The following CPAP variants were observed in gnomAD, a reference collection of about 807,000 sequenced individuals.
The protein encoded by CPAP is centrosomal P4.1-associated protein.
the CPAP span, chr13:24,906,363 T>C: frequency 6.2e-7 from 1 of 1,612,530 alleles, no homozygotes; most frequent in South Asian, 1.1e-5. Context: ...TCTAACTTTT[T>C]CTGAAGAGAA....
chr13:24,887,202 T>G, the CPAP span, among the ~76,000 whole-genome samples: 1 of 152,106 alleles, frequency 6.6e-6, no homozygotes, highest in Non-Finnish European at 1.5e-5. Flanking sequence ...CAAAAGATAC[T>G]ATAAAGAGCA....
At chr13:24,883,139 A>AAGTC in the CPAP span, 6 of 1,535,494 alleles carry the variant, frequency 3.9e-6, no homozygotes, top group African/African-American at 6.8e-5. Flanking sequence ...TTAACATAAA[A>AAGTC]AGTCAGTTAC....
the CPAP span, among the ~76,000 whole-genome samples, chr13:24,932,129 C>T: frequency 6.6e-6 from 1 of 152,192 alleles, no homozygotes; most frequent in Non-Finnish European, 1.5e-5. Context: ...TAACACTGAA[C>T]CCGGACCCGC....
chr13:24,932,866 C>T, the CPAP span: 2 of 605,084 alleles, frequency 3.3e-6, no homozygotes, highest in Non-Finnish European at 2.9e-6. Flanking sequence ...TCAATTTTTA[C>T]AATGTGTTCA....
the CPAP span, chr13:24,906,439 G>C: frequency 3.1e-6 from 5 of 1,613,996 alleles, no homozygotes; most frequent in Admixed American, 8.3e-5. Context: ...CCAGCCGGCT[G>C]GCCGGCCCTG....
chr13:24,915,756 G>C, the CPAP span, among the ~76,000 whole-genome samples: 2 of 152,076 alleles, frequency 1.3e-5, no homozygotes, highest in African/African-American at 4.8e-5. Context: ...CCGAGATAGC[G>C]TTATTGCACT....
chr13:24,884,379 T>A, the CPAP span: 2 of 1,614,162 alleles, frequency 1.2e-6, no homozygotes, highest in Non-Finnish European at 8.5e-7. Context: ...GTGACAGTGA[T>A]GGTCTTCCCA....
the CPAP span, among the ~76,000 whole-genome samples, chr13:24,888,762 A>G: frequency 6.6e-6 from 1 of 152,206 alleles, no homozygotes; most frequent in East Asian, 1.9e-4. Context: ...GGAAGTATAC[A>G]ATGCAATCTA....
chr13:24,899,726 C>T, the CPAP span: 2 of 703,644 alleles, frequency 2.8e-6, no homozygotes, highest in Admixed American at 4.3e-5. Flanking sequence ...AATCCACTCA[C>T]TAAAGCATTC....
At chr13:24,895,897 G>C in the CPAP span, among the ~76,000 whole-genome samples, 1 of 152,104 alleles carries the variant, frequency 6.6e-6, no homozygotes, top group Admixed American at 6.6e-5. Context: ...AGTACATAAG[G>C]GGTTCTCAAT....
the CPAP span, among the ~76,000 whole-genome samples, chr13:24,928,518 C>T: frequency 2.6e-5 from 4 of 152,230 alleles, no homozygotes; most frequent in Admixed American, 6.5e-5. Flanking sequence ...GCAGCCTCCA[C>T]CTCCCGAGTT....
At chr13:24,883,009 A>G in the CPAP span, 1 of 635,456 alleles carries the variant, frequency 1.6e-6, no homozygotes, top group South Asian at 1.9e-5. Flanking sequence ...GAGAGCTATC[A>G]TTGCATTTCA....
the CPAP span, among the ~76,000 whole-genome samples, chr13:24,913,653 C>T: frequency 0.011 from 1,652 of 152,322 alleles, 33 homozygotes; most frequent in African/African-American, 0.039. Flanking sequence ...ACTCTTCTAG[C>T]ACTCATCTCA....
At chr13:24,933,175 C>G in the CPAP span, 1 of 1,433,590 alleles carries the variant, frequency 7.0e-7, no homozygotes, top group Non-Finnish European at 9.8e-7. Flanking sequence ...GATAAAACAT[C>G]GCGCATTCAG....
chr13:24,907,806 A>G, the CPAP span, among the ~76,000 whole-genome samples: 1 of 152,354 alleles, frequency 6.6e-6, no homozygotes, highest in African/African-American at 2.4e-5. Context: ...TAAGTGAAAA[A>G]GCTTCGAGAA....
the CPAP span, chr13:24,912,878 T>C: frequency 2.5e-6 from 4 of 1,614,094 alleles, no homozygotes; most frequent in Non-Finnish European, 3.4e-6. Context: ...CTGGTAGAAA[T>C]GTCCACAGCT....
the CPAP span, chr13:24,892,783 T>C: frequency 6.2e-7 from 1 of 1,614,000 alleles, no homozygotes; most frequent in Non-Finnish European, 8.5e-7. Flanking sequence ...TGTATCTGGC[T>C]TCTGAGACGG....
chr13:24,909,984 G>C, the CPAP span: 1 of 1,614,124 alleles, frequency 6.2e-7, no homozygotes, highest in Non-Finnish European at 8.5e-7. Context: ...GGTTGGGTCC[G>C]GGTAGACATA....
chr13:24,887,055 T>C, the CPAP span, among the ~76,000 whole-genome samples: 1 of 151,970 alleles, frequency 6.6e-6, no homozygotes, highest in Non-Finnish European at 1.5e-5. Context: ...CAGTGGAAGC[T>C]AGGGAATACA....
Sources: allele counts gnomAD v4.1 joint callset (sites outside exome capture counted in the v4.1 genomes callset), GRCh38; gene constraint gnomAD v4.1.1; transcripts MANE v1.5; gene names NCBI Gene and HGNC (gene_info 2026-07-23, HGNC 2026-07-21).